The following PADI3 variants were observed in gnomAD, a reference collection of about 807,000 sequenced individuals.
PADI3 encodes protein-arginine deiminase type-3.
PADI3 carries 53 observed loss-of-function variants against 71.5 expected under a neutral mutation model. The ratio of observed to expected loss-of-function variants is 0.74; its 90% CI spans 0.59 to 0.93. The LOEUF (loss-of-function observed/expected upper bound fraction) is 0.93, where lower values mean the gene tolerates loss of function less well. Among genes scored for constraint, PADI3 ranks in the 40% least tolerant of loss-of-function variants. The probability of loss-of-function intolerance (pLI) is 0.00; values close to 1 mark genes in which losing one functional copy is unlikely to be tolerated. For missense variants in PADI3, 821 were observed against 868.0 expected, an observed-to-expected ratio of 0.95 and a Z score of 0.68; for synonymous variants, 361 against 347.5, an observed-to-expected ratio of 1.04 and a Z score of -0.43.
At chr1:17,262,255 T>C (rs752593535) in intron 3 of PADI3, 50 bp downstream of exon 3, 6 of 1,388,528 alleles carry the variant, frequency 4.3e-6, no homozygotes, top group Non-Finnish European at 6.0e-6. Flanking sequence ...ATTTGAAAAA[T>C]TCAAGCAGTA....
At chr1:17,253,388 C>T (rs2072989150) in intron 1 of PADI3, among the ~76,000 whole-genome samples, 1 of 152,204 alleles carries the variant, frequency 6.6e-6, no homozygotes, top group South Asian at 2.1e-4. Context: ...AGGGGGCAAC[C>T]TTGACCTGAG....
chr1:17,265,230 T>C (rs970488658), intron 3 of PADI3, among the ~76,000 whole-genome samples: 2 of 152,014 alleles, frequency 1.3e-5, no homozygotes, highest in Non-Finnish European at 2.9e-5. Context: ...TGCGAGTAGC[T>C]CAGAAAGGAC....
intron 11 of PADI3, among the ~76,000 whole-genome samples, chr1:17,275,436 CAA>C (rs10617336): frequency 0.19 from 17,250 of 88,648 alleles, 685 homozygotes; most frequent in Non-Finnish European, 0.22. Context: ...GACTCCGTCT[CAA>C]AAAAAAAAAA....
At position 17,271,138 on chromosome 1, in the gene PADI3, T is replaced by C. The variant is rs774896280; in HGVS notation, c.1007T>C (p.Ile336Thr). 2.4e-5 allele frequency: 39 copies of C among 1,613,552 alleles called. No homozygotes were observed. In the Admixed American group the frequency reaches 6.5e-4, roughly 27 times the overall value. Residue 336 changes from isoleucine (I) to threonine (T), a missense_variant, in exon 9 of 16, where the codon ATC (isoleucine) becomes ACC (threonine). Transcript: ENST00000375460. ...AGGAAGGCCGGCTGCAAGCTGACCA[T>C]CTGCCCACAGGCCGAGAACCGCAAC... ...LARKAGCKLT[I>T]CPQAENRNDR...
rs1295853256 is a variant in PADI3 at position 17,249,198 on chromosome 1, G to T, written c.61G>T (p.Ala21Ser). ...LEHPTSAVCV[A>S]GVETLVDIYG... Reference sequence around the variant, plus strand: ...GCATCCCACCAGCGCGGTGTGTGTGGCTGGCGTGGAGACCCTCGTGGACAT... The same window carrying T: ...GCATCCCACCAGCGCGGTGTGTGTGTCTGGCGTGGAGACCCTCGTGGACAT... The change falls in exon 1 of 16, where the codon GCT becomes TCT. Residue 21 changes from alanine to serine, a missense_variant. Transcript: ENST00000375460. 1.2e-6 allele frequency: 2 copies of T among 1,614,170 alleles called. No homozygotes were observed. Among genetic ancestry groups the T allele is most frequent in the Admixed American group, 3.3e-5 (2 of 60,024 alleles).
intron 2 of PADI3, 114 bp from the exon 3 acceptor site, chr1:17,262,019 A>G: frequency 1.2e-6 from 1 of 842,612 alleles, no homozygotes; most frequent in Non-Finnish European, 1.9e-6. Context: ...GAGGTTAAAG[A>G]AAGAGCAAGG....
chr1:17,277,838 G>T (rs769559658), intron 13 of PADI3: 7 of 154,672 alleles, frequency 4.5e-5, no homozygotes, highest in Middle Eastern at 1.0e-3. Flanking sequence ...TCTCACCCAG[G>T]CTTGCTCAGG....
At chr1:17,258,969 C>T (rs1475132296) in intron 1 of PADI3, among the ~76,000 whole-genome samples, 1 of 152,246 alleles carries the variant, frequency 6.6e-6, no homozygotes. Context: ...ACATGGCTGG[C>T]TTCTGACTTC....
At chr1:17,281,075 G>C (rs79724306) in intron 15 of PADI3, among the ~76,000 whole-genome samples, 1 of 152,382 alleles carries the variant, frequency 6.6e-6, no homozygotes, top group African/African-American at 2.4e-5. Flanking sequence ...ATGAGGTCAC[G>C]TGTGCAAAGC....
At chr1:17,271,226 A>G (rs4595409) in intron 9 of PADI3, 48 bp downstream of exon 9, 402,673 of 1,502,852 alleles carry the variant, frequency 0.27, 55,199 homozygotes, top group African/African-American at 0.39. Context: ...CATCCTGGAG[A>G]GAGAGGCCTT....
At chr1:17,269,011 G>T (rs750638850) in intron 6 of PADI3, among the ~76,000 whole-genome samples, 1 of 149,626 alleles carries the variant, frequency 6.7e-6, no homozygotes, top group Non-Finnish European at 1.5e-5. Context: ...TTAGCCTCAC[G>T]AGTAGCTGGG....
chr1:17,279,470 A>T (rs1289330846), intron 13 of PADI3, among the ~76,000 whole-genome samples: 9 of 152,152 alleles, frequency 5.9e-5, no homozygotes, highest in Admixed American at 3.3e-4. Flanking sequence ...TTCCTGCCTT[A>T]AACTGGGGTG....
intron 1 of PADI3, among the ~76,000 whole-genome samples, chr1:17,253,292 A>G (rs2072988127): frequency 6.6e-6 from 1 of 152,164 alleles, no homozygotes; most frequent in Non-Finnish European, 1.5e-5. Flanking sequence ...TGGAAGGGTC[A>G]GGTCCCATCT....
intron 1 of PADI3, among the ~76,000 whole-genome samples, chr1:17,251,892 G>A (rs1004986290): frequency 1.3e-5 from 2 of 152,196 alleles, no homozygotes; most frequent in Admixed American, 6.5e-5. Flanking sequence ...GACCGTATTG[G>A]GAGAAGGAGT....
intron 3 of PADI3, among the ~76,000 whole-genome samples, chr1:17,264,798 C>A (rs1412081782): frequency 1.3e-5 from 2 of 151,976 alleles, no homozygotes; most frequent in East Asian, 3.9e-4. Flanking sequence ...ATCACTTGAG[C>A]CCAGTAGTTC....
intron 3 of PADI3, among the ~76,000 whole-genome samples, chr1:17,263,379 GA>G (rs1319519315): frequency 6.6e-6 from 1 of 151,914 alleles, no homozygotes; most frequent in Non-Finnish European, 1.5e-5. Flanking sequence ...GAGGCATTGT[GA>G]AATTGGTATA....
At chr1:17,258,521 T>C (rs1175150424) in intron 1 of PADI3, among the ~76,000 whole-genome samples, 1 of 152,256 alleles carries the variant, frequency 6.6e-6, no homozygotes, top group Non-Finnish European at 1.5e-5. Flanking sequence ...CTGCAATTAA[T>C]TTCTGGTTGT....
intron 1 of PADI3, among the ~76,000 whole-genome samples, chr1:17,254,029 G>A (rs1310801611): frequency 6.6e-6 from 1 of 152,222 alleles, no homozygotes; most frequent in Non-Finnish European, 1.5e-5. Flanking sequence ...TGTGCAGAGA[G>A]CTGGGCCCTT....
chr1:17,254,639 A>C (rs1168559086), intron 1 of PADI3, among the ~76,000 whole-genome samples: 1 of 151,124 alleles, frequency 6.6e-6, no homozygotes, highest in Non-Finnish European at 1.5e-5. Context: ...CCTCCTCACC[A>C]TTGAAGGGGG....
Sources: gnomAD v4.1 joint callset for allele counts (sites outside exome capture counted in the v4.1 genomes callset) on GRCh38, gnomAD v4.1.1 for gene constraint, MANE v1.5 for transcripts, NCBI Gene and HGNC (gene_info 2026-07-23, HGNC 2026-07-21) for gene names.